KLHL29: variants seen among roughly 807,000 people sequenced by gnomAD.
The protein encoded by KLHL29 is kelch-like protein 29.
KLHL29 carries 21 observed loss-of-function variants against 80.4 expected under a neutral mutation model. The observed-to-expected ratio is 0.26, with a 90% CI of 0.19 to 0.38. The LOEUF (loss-of-function observed/expected upper bound fraction) is 0.38, where lower values mean the gene tolerates loss of function less well. Ranked by LOEUF, KLHL29 falls within the 10% of genes least tolerant of loss-of-function variation. The pLI, the probability that KLHL29 is intolerant of heterozygous loss-of-function variation, is 1.00. For missense variants in KLHL29, 867 were observed against 1,223.9 expected (o/e 0.71, Z 4.35); for synonymous variants, 511 against 526.8 (o/e 0.97, Z 0.41).
chr2:23,480,331 A>T (rs931062390), intron 2 of KLHL29, among the ~76,000 whole-genome samples: 1 of 152,030 alleles, frequency 6.6e-6, no homozygotes, highest in Non-Finnish European at 1.5e-5. Context: ...TACTATAAAT[A>T]AAAAAATTAG....
chr2:23,671,789 G>C (rs1572484141), intron 5 of KLHL29, among the ~76,000 whole-genome samples: 1 of 152,224 alleles, frequency 6.6e-6, no homozygotes, highest in East Asian at 1.9e-4. Context: ...GCCACTTCTG[G>C]AACCTAGGGC....
rs146332302 is a variant in KLHL29, at chr2:23,686,887, G to A, written c.1079+2350G>A. Among the ~76,000 whole-genome samples, 304 of 152,296 alleles carry A rather than the reference G, an allele frequency of 2.0e-3. 1 individual carries two copies. Among genetic ancestry groups the A allele is most frequent in the African/African-American group, 6.8e-3 (283 of 41,572 alleles). On this transcript the variant is annotated intron_variant, in intron 6 of 13. Transcript: ENST00000486442. Reference sequence around the variant, plus strand: ...GTGCCCTGTGGCTGAAAGTCGCCGTGTTCGTTTGCAGCCACAGAGCACACA... The same window carrying A: ...GTGCCCTGTGGCTGAAAGTCGCCGTATTCGTTTGCAGCCACAGAGCACACA...
intron 5 of KLHL29, among the ~76,000 whole-genome samples, chr2:23,648,154 G>A (rs13386930): frequency 0.14 from 20,750 of 151,902 alleles, 1,531 homozygotes; most frequent in East Asian, 0.15. Context: ...AAGTCCATCT[G>A]TTTCAAACTT....
At chr2:23,510,098 G>C (rs1665723294) in intron 2 of KLHL29, among the ~76,000 whole-genome samples, 1 of 152,170 alleles carries the variant, frequency 6.6e-6, no homozygotes, top group African/African-American at 2.4e-5. Context: ...AGGAGGAAAT[G>C]AGACGGAGGT....
chr2:23,615,989 G>T lies in KLHL29; in HGVS notation c.286-23150G>T, dbSNP rs182858763. ...TGTGGCCTCTGGGCTTCCAGTTCTG[G>T]TGGCCTTGATCCCTCCTCCTAAGGG... On this transcript the variant is annotated intron_variant, in intron 3 of 13. Coordinates refer to ENST00000486442, the MANE Select transcript of KLHL29 (RefSeq NM_052920.2). 2.6e-4 allele frequency among the ~76,000 whole-genome samples: 40 copies of T among 152,248 alleles called. 1 individual carries two copies. The East Asian group carries it at 7.7e-3, about 29-fold the overall frequency.
At chr2:23,553,672 T>A (rs1667185973) in intron 2 of KLHL29, among the ~76,000 whole-genome samples, 1 of 152,122 alleles carries the variant, frequency 6.6e-6, no homozygotes, top group African/African-American at 2.4e-5. Flanking sequence ...CGGACCTTGA[T>A]GGGGGGGCCT....
rs547869279 is a variant in KLHL29 at position 23,636,177 on chromosome 2, C to T, written c.286-2962C>T. ...GGGGCCTCTAGTCAGGCCGCGCTGACGCACATCACCAGTGGCTCTGCACGT... is the reference window on the plus strand; with the variant it reads ...GGGGCCTCTAGTCAGGCCGCGCTGATGCACATCACCAGTGGCTCTGCACGT... On this transcript the variant is annotated intron_variant, in intron 3 of 13. Coordinates refer to ENST00000486442, the MANE Select transcript of KLHL29 (RefSeq NM_052920.2). Among the ~76,000 whole-genome samples the T allele has an allele frequency of 8.6e-4, 131 of 152,322 alleles. 1 individual carries two copies. Among genetic ancestry groups the T allele is most frequent in the African/African-American group, 3.0e-3 (125 of 41,566 alleles).
At position 23,700,649 on chromosome 2, in the gene KLHL29, G is replaced by A. The variant is rs1390935966; in HGVS notation, c.2106-2537G>A. 1.3e-5 allele frequency among the ~76,000 whole-genome samples: 2 copies of A among 152,234 alleles called. No individual in the cohort carries two copies. The highest frequency in any genetic ancestry group is 4.8e-5 in the African/African-American group (2 of 41,518). On this transcript the variant is annotated intron_variant, in intron 11 of 13. Transcript: ENST00000486442. This position sits in a 1 kb window ranked among gnomAD's most constrained non-coding sequence, Gnocchi z 4.6. The stretch of plus-strand genomic sequence containing the variant: ...ATTCCATTGACCCCTCTCAGCTCCG[G>A]ATTCTTTTCTAGGTCCTACCTTCTG...
chr2:23,566,397 G>A (rs534897438), intron 3 of KLHL29, among the ~76,000 whole-genome samples: 2 of 152,346 alleles, frequency 1.3e-5, no homozygotes, highest in African/African-American at 4.8e-5. Flanking sequence ...CACCCAGTGA[G>A]TTAGAATCAG....
At chr2:23,441,352 A>T (rs1663515552) in intron 1 of KLHL29, among the ~76,000 whole-genome samples, 2 of 137,222 alleles carry the variant, frequency 1.5e-5, no homozygotes, top group Non-Finnish European at 3.1e-5. Context: ...GGGGGGAGGG[A>T]TAGCATTAGG....
intron 3 of KLHL29, among the ~76,000 whole-genome samples, chr2:23,574,221 T>C (rs1667787163): frequency 6.6e-6 from 1 of 152,188 alleles, no homozygotes; most frequent in Non-Finnish European, 1.5e-5. Flanking sequence ...TCTCAAGCCC[T>C]GTTCCCATGA....
chr2:23,466,472 A>G (rs1664357317), intron 1 of KLHL29, among the ~76,000 whole-genome samples: 2 of 152,224 alleles, frequency 1.3e-5, no homozygotes, highest in African/African-American at 4.8e-5. Flanking sequence ...AAGAGAAAAA[A>G]ATACACAGTC....
chr2:23,416,925 A>G (rs1255181298), intron 1 of KLHL29, among the ~76,000 whole-genome samples: 5 of 152,238 alleles, frequency 3.3e-5, no homozygotes, highest in Middle Eastern at 6.8e-3. Flanking sequence ...TCTCCCCTGG[A>G]TACTCCACAG....
intron 1 of KLHL29, among the ~76,000 whole-genome samples, chr2:23,396,357 A>G (rs1177999855): frequency 6.6e-6 from 1 of 152,174 alleles, no homozygotes; most frequent in African/African-American, 2.4e-5. Context: ...ATTTGTTGCA[A>G]TGCTGCCCTG....
chr2:23,704,504 C>T (rs1227498861), intron 13 of KLHL29, among the ~76,000 whole-genome samples: 1 of 152,224 alleles, frequency 6.6e-6, no homozygotes, highest in Non-Finnish European at 1.5e-5. Flanking sequence ...CAGTGGCTCA[C>T]ACCTGTAATC....
chr2:23,460,253 T>C (rs528290600), intron 1 of KLHL29, among the ~76,000 whole-genome samples: 1 of 152,300 alleles, frequency 6.6e-6, no homozygotes, highest in Admixed American at 6.5e-5. Context: ...CTGGACCAGG[T>C]CCCAGTGATA....
chr2:23,677,725 C>A (rs770518870), intron 5 of KLHL29, among the ~76,000 whole-genome samples: 5 of 152,178 alleles, frequency 3.3e-5, no homozygotes, highest in Non-Finnish European at 2.9e-5. Flanking sequence ...TTGTGTAAAG[C>A]CCCCATTTGT....
chr2:23,526,268 C>G (rs1166274992), intron 2 of KLHL29, among the ~76,000 whole-genome samples: 1 of 136,038 alleles, frequency 7.4e-6, no homozygotes, highest in Non-Finnish European at 1.6e-5. Context: ...GGAACGTGGG[C>G]GGTCGGAGGA....
chr2:23,643,314 C>T (rs1049592488), intron 5 of KLHL29: 10 of 303,330 alleles, frequency 3.3e-5, no homozygotes, highest in South Asian at 1.9e-4. Context: ...CACTCTCTGT[C>T]GTGCCATCGG....
Sources: allele counts gnomAD v4.1 joint callset (sites outside exome capture counted in the v4.1 genomes callset), GRCh38; gene constraint gnomAD v4.1.1; non-coding constraint Gnocchi (gnomAD v3.1); transcripts MANE v1.5; gene names NCBI Gene and HGNC (gene_info 2026-07-23, HGNC 2026-07-21).